SND1: variants seen among roughly 807,000 people sequenced by gnomAD.
The protein encoded by SND1 is staphylococcal nuclease and tudor domain containing 1.
SND1 carries 38 observed loss-of-function variants against 121.7 expected under a neutral mutation model. The observed-to-expected ratio is 0.31, with a 90% CI of 0.24 to 0.41. The LOEUF (loss-of-function observed/expected upper bound fraction) is 0.41. Among genes scored for constraint, SND1 ranks in the 10% least tolerant of loss-of-function variants. The probability of loss-of-function intolerance (pLI) is 1.00; values close to 1 mark genes in which losing one functional copy is unlikely to be tolerated. For synonymous variants in SND1, 401 were observed against 447.4 expected, an observed-to-expected ratio of 0.90 and a Z score of 1.31; for missense variants, 868 against 1,184.6, an observed-to-expected ratio of 0.73 and a Z score of 3.92.
At chr7:127,776,762 T>C (rs534192368) in intron 10 of SND1, among the ~76,000 whole-genome samples, 1 of 152,286 alleles carries the variant, frequency 6.6e-6, no homozygotes, top group African/African-American at 2.4e-5. Context: ...GTATTTCTTA[T>C]AACCAAAGGT....
chr7:127,996,943 G>A (rs907336927), intron 16 of SND1, among the ~76,000 whole-genome samples: 1 of 152,162 alleles, frequency 6.6e-6, no homozygotes, highest in Non-Finnish European at 1.5e-5. Flanking sequence ...TTTATTCTTA[G>A]TTAAGGGCCA....
At chr7:127,984,701 T>G (rs1330025089) in intron 15 of SND1, among the ~76,000 whole-genome samples, 1 of 152,208 alleles carries the variant, frequency 6.6e-6, no homozygotes, top group Non-Finnish European at 1.5e-5. Context: ...TGTTATAGTT[T>G]TAGTTTTAGT....
intron 12 of SND1, among the ~76,000 whole-genome samples, chr7:127,851,542 C>G (rs992414125): frequency 6.6e-6 from 1 of 152,218 alleles, no homozygotes; most frequent in Non-Finnish European, 1.5e-5. Flanking sequence ...CATCCACACT[C>G]TCTTGTTTAT....
At chr7:128,044,321 T>C (rs554709184) in intron 16 of SND1, among the ~76,000 whole-genome samples, 1 of 152,286 alleles carries the variant, frequency 6.6e-6, no homozygotes, top group South Asian at 2.1e-4. Context: ...TCAGGCCGCA[T>C]CCACAAAGGG....
At chr7:127,937,260 T>C (rs1297846436) in intron 15 of SND1, among the ~76,000 whole-genome samples, 1 of 152,180 alleles carries the variant, frequency 6.6e-6, no homozygotes, top group Non-Finnish European at 1.5e-5. Context: ...TGCATGGAAC[T>C]CATAGTACAA....
intron 1 of SND1, among the ~76,000 whole-genome samples, chr7:127,652,947 T>C (rs1795148154): frequency 6.6e-6 from 1 of 152,208 alleles, no homozygotes; most frequent in Admixed American, 6.5e-5. Context: ...TCTCTTTCCC[T>C]CCACCTCTTG....
chr7:128,073,402 G>A (rs780227129), intron 16 of SND1, among the ~76,000 whole-genome samples: 11 of 152,182 alleles, frequency 7.2e-5, no homozygotes, highest in Non-Finnish European at 1.3e-4. Context: ...GGGTATTCAA[G>A]GATGGGAGGA....
intron 14 of SND1, among the ~76,000 whole-genome samples, chr7:127,911,098 T>C (rs925836883): frequency 3.3e-5 from 5 of 152,214 alleles, no homozygotes; most frequent in Non-Finnish European, 5.9e-5. Flanking sequence ...TGCCTCCCTG[T>C]TGTGTTTCGT....
At chr7:127,975,749 G>A (rs1802104670) in intron 15 of SND1, among the ~76,000 whole-genome samples, 1 of 152,144 alleles carries the variant, frequency 6.6e-6, no homozygotes, top group Non-Finnish European at 1.5e-5. Flanking sequence ...CAGAAGGGGT[G>A]GCTCCTCTCT....
intron 1 of SND1, among the ~76,000 whole-genome samples, chr7:127,671,400 T>C (rs1264445322): frequency 6.6e-6 from 1 of 152,234 alleles, no homozygotes; most frequent in Non-Finnish European, 1.5e-5. Context: ...ACACTGTGAA[T>C]CTATTGAGTA....
chr7:128,030,509 C>T (rs1245547874), intron 16 of SND1: 12 of 1,613,316 alleles, frequency 7.4e-6, no homozygotes, highest in African/African-American at 4.0e-5. Context: ...AGGGGCAGTT[C>T]TGGGGCCCGG....
At chr7:128,031,732 TCCGGCGGCGGCGGCGGCCGCAGCCC>T (rs1316090206) in intron 16 of SND1, 3 of 141,064 alleles carry the variant, frequency 2.1e-5, no homozygotes, top group Admixed American at 1.4e-4. Flanking sequence ...CGGGCGCGGG[TCCGGCGGCGGCGGCGGCCGCAGCCC>T]CCGGCGGCGC....
At chr7:127,945,882 G>A (rs1010539612) in intron 15 of SND1, among the ~76,000 whole-genome samples, 3 of 152,160 alleles carry the variant, frequency 2.0e-5, no homozygotes, top group Admixed American at 6.5e-5. Context: ...CTAAGGCCTG[G>A]GAAAGTTAAC....
At chr7:127,721,188 T>C in intron 9 of SND1, 99 bp from the exon 10 acceptor site, 2 of 697,320 alleles carry the variant, frequency 2.9e-6, no homozygotes, top group South Asian at 1.6e-5. Flanking sequence ...CAAATGGCTA[T>C]TGATCTCACT....
chr7:127,735,241 C>T (rs1796753517), intron 10 of SND1, among the ~76,000 whole-genome samples: 1 of 124,714 alleles, frequency 8.0e-6, no homozygotes, highest in Admixed American at 8.6e-5. Context: ...TGGTGGTCTT[C>T]TCCTTAGTAT....
chr7:127,758,266 C>T (rs1039390132), intron 10 of SND1, among the ~76,000 whole-genome samples: 11 of 152,228 alleles, frequency 7.2e-5, no homozygotes, highest in African/African-American at 2.7e-4. Flanking sequence ...TCAAAGCTCA[C>T]AGAGGTCTCC....
intron 11 of SND1, among the ~76,000 whole-genome samples, chr7:127,838,778 A>C (rs765192775): frequency 3.3e-5 from 5 of 152,240 alleles, no homozygotes; most frequent in Non-Finnish European, 7.3e-5. Context: ...GATTTAAATC[A>C]ACATGTATCT....
intron 10 of SND1, among the ~76,000 whole-genome samples, chr7:127,754,974 TA>T (rs1452900461): frequency 1.3e-5 from 2 of 152,242 alleles, no homozygotes; most frequent in Non-Finnish European, 2.9e-5. Context: ...TAGACCTAAA[TA>T]AATTACTTTG....
intron 16 of SND1, among the ~76,000 whole-genome samples, chr7:128,036,813 A>G (rs756619295): frequency 1.7e-4 from 26 of 152,258 alleles, no homozygotes; most frequent in Non-Finnish European, 3.7e-4. Flanking sequence ...AGGTTCAGCC[A>G]GGAGCCCTGA....
Sources: gnomAD v4.1 joint callset for allele counts (sites outside exome capture counted in the v4.1 genomes callset) on GRCh38, gnomAD v4.1.1 for gene constraint, MANE v1.5 for transcripts, NCBI Gene and HGNC (gene_info 2026-07-23, HGNC 2026-07-21) for gene names.